The following TRPC4AP variants were observed in gnomAD, a reference collection of about 807,000 sequenced individuals.
TRPC4AP encodes the protein short transient receptor potential channel 4-associated protein.
In TRPC4AP, 45 loss-of-function variants were observed where a neutral mutation model predicts 99.0. The ratio of observed to expected loss-of-function variants is 0.45; its 90% CI spans 0.36 to 0.58. The LOEUF (loss-of-function observed/expected upper bound fraction) is 0.58. TRPC4AP is among the 20% of genes least tolerant of loss of function. The pLI is 0.00. For missense variants in TRPC4AP, 879 were observed against 985.3 expected (o/e 0.89, Z 1.44); for synonymous variants, 408 against 385.8 (o/e 1.06, Z -0.67).
At chr20:35,013,156 C>A in intron 10 of TRPC4AP, 90 bp from the exon 11 acceptor site, 1 of 1,235,916 alleles carries the variant, frequency 8.1e-7, no homozygotes. Flanking sequence ...GCCTGCTTCT[C>A]TAAGCCTCTG....
chr20:35,021,987 T>G (rs964689805), intron 8 of TRPC4AP, among the ~76,000 whole-genome samples: 7 of 152,242 alleles, frequency 4.6e-5, no homozygotes, highest in Non-Finnish European at 2.9e-5. Context: ...GTGATATTTA[T>G]GGGACACTTG....
chr20:35,009,384 G>A (rs1331349715), intron 12 of TRPC4AP, among the ~76,000 whole-genome samples: 1 of 152,202 alleles, frequency 6.6e-6, no homozygotes, highest in Non-Finnish European at 1.5e-5. Flanking sequence ...GCCAGGAGAG[G>A]TGGTTCACAC....
At chr20:35,071,647 G>A (rs900122486) in intron 2 of TRPC4AP, among the ~76,000 whole-genome samples, 1 of 152,106 alleles carries the variant, frequency 6.6e-6, no homozygotes, top group African/African-American at 2.4e-5. Context: ...ACTCCATGGT[G>A]TATATGTGCC....
intron 5 of TRPC4AP, among the ~76,000 whole-genome samples, chr20:35,051,033 TACACACACACACACAC>T (rs34091819): frequency 1.1e-3 from 161 of 144,994 alleles, no homozygotes; most frequent in East Asian, 4.9e-3. Context: ...TGCTATAGCT[TACACACACACACACAC>T]ACACACACAC....
intron 1 of TRPC4AP, among the ~76,000 whole-genome samples, chr20:35,087,457 C>T (rs899069817): frequency 6.6e-6 from 1 of 151,952 alleles, no homozygotes; most frequent in Non-Finnish European, 1.5e-5. Flanking sequence ...GGAAATATAA[C>T]AGCATCCCAC....
chr20:35,091,867 T>C (rs1363748095), intron 1 of TRPC4AP, among the ~76,000 whole-genome samples: 1 of 152,130 alleles, frequency 6.6e-6, no homozygotes, highest in Non-Finnish European at 1.5e-5. Flanking sequence ...CTAATTCTCA[T>C]CTTCATCTTA....
At chr20:35,092,011 G>A (rs1306121561) in intron 1 of TRPC4AP, among the ~76,000 whole-genome samples, 1 of 152,174 alleles carries the variant, frequency 6.6e-6, no homozygotes, top group Non-Finnish European at 1.5e-5. Flanking sequence ...TATAGTCTCT[G>A]CACCCGCTGG....
intron 14 of TRPC4AP, 65 bp from the exon 15 acceptor site, chr20:35,006,640 C>T: frequency 1.9e-6 from 3 of 1,578,250 alleles, no homozygotes; most frequent in Non-Finnish European, 2.6e-6. Context: ...TGGCATGGAG[C>T]TCAGACCATG....
At chr20:35,057,892 C>A (rs532732929) in intron 3 of TRPC4AP, among the ~76,000 whole-genome samples, 1 of 152,280 alleles carries the variant, frequency 6.6e-6, no homozygotes, top group African/African-American at 2.4e-5. Context: ...TACTATGATT[C>A]TTCTGTTTAA....
chr20:35,085,920 T>C (rs187900668), intron 1 of TRPC4AP, among the ~76,000 whole-genome samples: 19 of 152,300 alleles, frequency 1.2e-4, no homozygotes, highest in Non-Finnish European at 1.8e-4. Context: ...TTTGTTTCTT[T>C]AATCCTAAAT....
At chr20:35,039,950 G>A (rs1304344451) in intron 7 of TRPC4AP, among the ~76,000 whole-genome samples, 3 of 151,312 alleles carry the variant, frequency 2.0e-5, no homozygotes, top group Non-Finnish European at 4.4e-5. Flanking sequence ...GCCCCAGGAA[G>A]ATAGTGTAAA....
chr20:35,033,538 G>C (rs2083249632), intron 8 of TRPC4AP, among the ~76,000 whole-genome samples: 1 of 152,134 alleles, frequency 6.6e-6, no homozygotes, highest in African/African-American at 2.4e-5. Flanking sequence ...TAATGCCCTG[G>C]AGTATACACT....
At chr20:35,045,695 C>T (rs890709449) in intron 6 of TRPC4AP, among the ~76,000 whole-genome samples, 9 of 152,106 alleles carry the variant, frequency 5.9e-5, no homozygotes, top group South Asian at 2.1e-4. Context: ...CCCGCCACCA[C>T]GCCTGGCTAA....
chr20:35,083,256 C>T (rs562908648), intron 1 of TRPC4AP, among the ~76,000 whole-genome samples: 1 of 151,936 alleles, frequency 6.6e-6, no homozygotes, highest in African/African-American at 2.4e-5. Context: ...TTTAAAAACG[C>T]TAAGGAATAA....
intron 4 of TRPC4AP, among the ~76,000 whole-genome samples, chr20:35,056,448 G>C (rs2083826995): frequency 6.6e-6 from 1 of 151,942 alleles, no homozygotes; most frequent in Non-Finnish European, 1.5e-5. Context: ...GGTACATAGA[G>C]AACATGAAAG....
chr20:35,059,835 CAAA>C (rs780985971), intron 3 of TRPC4AP, among the ~76,000 whole-genome samples: 86 of 150,228 alleles, frequency 5.7e-4, no homozygotes, highest in Non-Finnish European at 1.0e-3. Context: ...AAGATGAAGA[CAAA>C]GAAGACGAAG....
chr20:35,077,324 A>T (rs2084507876), intron 2 of TRPC4AP, among the ~76,000 whole-genome samples: 1 of 152,134 alleles, frequency 6.6e-6, no homozygotes, highest in African/African-American at 2.4e-5. Context: ...TGCAAAAATC[A>T]CCTGTCTTAG....
At chr20:35,078,273 G>GT (rs1040180364) in intron 1 of TRPC4AP, 99 bp from the exon 2 acceptor site, 1 of 1,302,016 alleles carries the variant, frequency 7.7e-7, no homozygotes, top group Non-Finnish European at 1.1e-6. Context: ...ACCCAGGACA[G>GT]TTACAAATTT....
intron 8 of TRPC4AP, among the ~76,000 whole-genome samples, chr20:35,024,854 A>AAAAACAAAACAT (rs1479270980): frequency 2.2e-5 from 2 of 89,482 alleles, no homozygotes; most frequent in East Asian, 4.4e-4. Flanking sequence ...AAAAAAAAAA[A>AAAAACAAAACAT]ATTCTGTTTA....
Sources: allele counts gnomAD v4.1 joint callset (sites outside exome capture counted in the v4.1 genomes callset), GRCh38; gene constraint gnomAD v4.1.1; transcripts MANE v1.5; gene names NCBI Gene and HGNC (gene_info 2026-07-23, HGNC 2026-07-21).